The following ATP8B4 variants were observed in gnomAD, a reference collection of about 807,000 sequenced individuals.
ATP8B4 encodes probable phospholipid-transporting ATPase IM.
In ATP8B4, 133 loss-of-function variants were observed where a neutral mutation model predicts 145.6. That is an observed-to-expected ratio of 0.91 (90% CI 0.79 to 1.05). ATP8B4 has a LOEUF of 1.05. Ranked by LOEUF, ATP8B4 falls within the 50% of genes least tolerant of loss-of-function variation. The pLI, the probability that ATP8B4 is intolerant of heterozygous loss-of-function variation, is 0.00. For synonymous variants in ATP8B4, 507 were observed against 492.9 expected (o/e 1.03, Z -0.38); for missense variants, 1,458 against 1,425.2 (o/e 1.02, Z -0.37).
At chr15:49,975,672 A>G (rs1343129415) in intron 12 of ATP8B4, among the ~76,000 whole-genome samples, 1 of 152,166 alleles carries the variant, frequency 6.6e-6, no homozygotes, top group Non-Finnish European at 1.5e-5. Context: ...TTGTTGTCTA[A>G]AAGAAAGCTT....
chr15:49,864,556 C>T (rs1455434385), intron 26 of ATP8B4, among the ~76,000 whole-genome samples: 1 of 152,160 alleles, frequency 6.6e-6, no homozygotes, highest in African/African-American at 2.4e-5. Flanking sequence ...TTTTATAAAG[C>T]TCAGTGGCCT....
chr15:49,866,697 C>T (rs893544920), intron 25 of ATP8B4, among the ~76,000 whole-genome samples: 7 of 152,150 alleles, frequency 4.6e-5, no homozygotes, highest in East Asian at 1.9e-4. Context: ...AACTTCTATA[C>T]GCAAGCCATT....
chr15:49,891,608 G>A (rs1284810904), intron 23 of ATP8B4, among the ~76,000 whole-genome samples: 5 of 152,206 alleles, frequency 3.3e-5, no homozygotes, highest in East Asian at 3.9e-4. Flanking sequence ...TTGCAGGTGC[G>A]AGCCACTGCA....
intron 3 of ATP8B4, among the ~76,000 whole-genome samples, chr15:50,060,443 A>T (rs1022908886): frequency 3.3e-5 from 5 of 152,208 alleles, no homozygotes; most frequent in Non-Finnish European, 5.9e-5. Flanking sequence ...GAGGGCTTAG[A>T]GTCCTGAATC....
intron 6 of ATP8B4, among the ~76,000 whole-genome samples, chr15:50,015,758 G>A (rs2049042645): frequency 6.6e-6 from 1 of 152,184 alleles, no homozygotes; most frequent in African/African-American, 2.4e-5. Flanking sequence ...ACAGACTGGT[G>A]AACAGGATCT....
At chr15:50,131,588 A>C (rs2044047790) in intron 1 of ATP8B4, among the ~76,000 whole-genome samples, 1 of 152,158 alleles carries the variant, frequency 6.6e-6, no homozygotes, top group Non-Finnish European at 1.5e-5. Flanking sequence ...TATGCTAGAA[A>C]TATAAGCTCT....
intron 2 of ATP8B4, among the ~76,000 whole-genome samples, chr15:50,103,464 T>C (rs749132683): frequency 6.6e-6 from 1 of 151,984 alleles, no homozygotes. Context: ...AAGCTGAGAA[T>C]CAAATGAAGA....
intron 1 of ATP8B4, among the ~76,000 whole-genome samples, chr15:50,144,106 G>C (rs980329298): frequency 6.6e-6 from 1 of 152,140 alleles, no homozygotes; most frequent in Non-Finnish European, 1.5e-5. Flanking sequence ...ACTAGGTCAG[G>C]GTTGTGCCTT....
intron 1 of ATP8B4, among the ~76,000 whole-genome samples, chr15:50,179,232 G>A (rs2044808910): frequency 6.6e-6 from 1 of 152,206 alleles, no homozygotes; most frequent in Non-Finnish European, 1.5e-5. Flanking sequence ...ATTGAGTGTA[G>A]TGAAAGCTTG....
chr15:50,062,025 T>C (rs954105834), intron 3 of ATP8B4, among the ~76,000 whole-genome samples: 4 of 152,198 alleles, frequency 2.6e-5, no homozygotes, highest in Non-Finnish European at 4.4e-5. Context: ...AATCTCAAAA[T>C]TCCAAGAGTT....
intron 1 of ATP8B4, among the ~76,000 whole-genome samples, chr15:50,136,209 TTC>T (rs2044119714): frequency 6.6e-6 from 1 of 152,168 alleles, no homozygotes; most frequent in Non-Finnish European, 1.5e-5. Flanking sequence ...GATGTTGGCT[TTC>T]TCTCACCAGT....
chr15:50,110,433 T>A (rs1179368635), intron 1 of ATP8B4, among the ~76,000 whole-genome samples: 1 of 152,198 alleles, frequency 6.6e-6, no homozygotes, highest in Non-Finnish European at 1.5e-5. Context: ...TGACACTCGC[T>A]CCACCTCTAA....
At chr15:50,001,368 A>C (rs1166913655) in intron 8 of ATP8B4, among the ~76,000 whole-genome samples, 1 of 152,174 alleles carries the variant, frequency 6.6e-6, no homozygotes, top group Admixed American at 6.5e-5. Flanking sequence ...CCACAGACTA[A>C]AGTACTATTT....
chr15:50,084,154 A>G (rs1422258798), intron 2 of ATP8B4, among the ~76,000 whole-genome samples: 1 of 152,196 alleles, frequency 6.6e-6, no homozygotes, highest in Non-Finnish European at 1.5e-5. Flanking sequence ...TGTAACGAAA[A>G]GGAATTTGGT....
At chr15:50,007,836 G>A (rs532702792) in intron 7 of ATP8B4, among the ~76,000 whole-genome samples, 1 of 152,218 alleles carries the variant, frequency 6.6e-6, no homozygotes, top group East Asian at 1.9e-4. Flanking sequence ...CTTGAAAATG[G>A]TTTTGTAGGT....
At chr15:50,005,483 A>G (rs2048230667) in intron 7 of ATP8B4, among the ~76,000 whole-genome samples, 1 of 152,208 alleles carries the variant, frequency 6.6e-6, no homozygotes, top group Non-Finnish European at 1.5e-5. Context: ...AGTGAGTAGT[A>G]TTATTCCCAT....
chr15:50,128,686 T>C (rs1307565545), intron 1 of ATP8B4, among the ~76,000 whole-genome samples: 1 of 152,140 alleles, frequency 6.6e-6, no homozygotes, highest in Non-Finnish European at 1.5e-5. Context: ...AATTGATCAG[T>C]GGAAGGTTTA....
chr15:50,136,722 A>G (rs1448468774), intron 1 of ATP8B4, among the ~76,000 whole-genome samples: 2 of 152,136 alleles, frequency 1.3e-5, no homozygotes, highest in Non-Finnish European at 2.9e-5. Context: ...CTTGATGGTG[A>G]GCGTGGGGCT....
Position 49,876,622 on chromosome 15 carries a change from G to A in ATP8B4, c.2782-99C>T, listed in dbSNP as rs763558526. 5 of 1,497,654 alleles carry A rather than the reference G, an allele frequency of 3.3e-6. No homozygotes were observed. The East Asian group carries it at 6.8e-5, about 20-fold the overall frequency. The allele number at this position is 1,497,654 out of a possible 1,614,324, so 92.8% of individuals were successfully genotyped here. ...AAATAGCAAATGCCTGTTTAAACAT[G>A]TCCTAAAATGCACTACTCACTGGGC... On this transcript the variant is annotated intron_variant, in intron 24 of 27. Coordinates refer to ENST00000284509, the MANE Select transcript of ATP8B4 (RefSeq NM_024837.4).
Sources: allele counts gnomAD v4.1 joint callset (sites outside exome capture counted in the v4.1 genomes callset), GRCh38; gene constraint gnomAD v4.1.1; transcripts MANE v1.5; gene names NCBI Gene and HGNC (gene_info 2026-07-23, HGNC 2026-07-21).